Variants in ASAH2 observed in about 807,000 individuals in gnomAD.
ASAH2 encodes the protein neutral ceramidase.
In ASAH2, 58 loss-of-function variants were observed where a neutral mutation model predicts 82.9. That is an observed-to-expected ratio of 0.70 (90% CI 0.57 to 0.87). The LOEUF is 0.87. ASAH2 is among the 40% of genes least tolerant of loss of function. ASAH2 has a pLI of 0.00. For synonymous variants in ASAH2, 276 were observed against 289.7 expected, an observed-to-expected ratio of 0.95 and a Z score of 0.48; for missense variants, 779 against 834.0, an observed-to-expected ratio of 0.93 and a Z score of 0.81.
chr10:50,185,972 TTA>T lies in ASAH2; in HGVS notation c.*1341_*1342del, dbSNP rs1176015290. On this transcript the variant is annotated 3_prime_UTR_variant, in exon 21 of 21. Transcript: ENST00000682911. ...TGCAGTCTGGGAGGTTGTAGTTAAC[TTA>T]AAGAATTTTAAATGCAATTAGTACT... 6.7e-6 allele frequency: 1 copy of T among 149,538 alleles called. No homozygotes were observed. The highest frequency in any genetic ancestry group is 1.5e-5 in the Non-Finnish European group (1 of 67,494). 9.3% of individuals were successfully genotyped at this position (149,538 alleles called of 1,614,324 possible).
rs1359905223 is a variant in ASAH2 at position 50,203,649 on chromosome 10, T to A, written c.1656A>T (p.Ala552=). 25 of 1,612,378 alleles carry A rather than the reference T, an allele frequency of 1.6e-5. No homozygotes were observed. Among genetic ancestry groups the A allele is most frequent in the Non-Finnish European group, 1.9e-5 (22 of 1,178,790 alleles). The change falls in exon 15 of 21, where the codon GCA becomes GCT. Residue 552 remains alanine, a synonymous_variant. Transcript: ENST00000682911. ...TTMSGRRLRE[A]VQAEFASHGM... ...TTTATTTTTAACTTACTGCTTGAACTGCCTCTCGAAGTCTTCGTCCAGACA... is the reference window on the plus strand; with the variant it reads ...TTTATTTTTAACTTACTGCTTGAACAGCCTCTCGAAGTCTTCGTCCAGACA...
At chr10:50,229,305 T>A (rs1845970216) in intron 7 of ASAH2, among the ~76,000 whole-genome samples, 1 of 152,198 alleles carries the variant, frequency 6.6e-6, no homozygotes, top group African/African-American at 2.4e-5. Context: ...ATCCACAACA[T>A]GTTCTCCATG....
chr10:50,211,275 G>T, intron 10 of ASAH2, 141 bp from the exon 11 acceptor site: 1 of 705,140 alleles, frequency 1.4e-6, no homozygotes, highest in Non-Finnish European at 2.5e-6. Flanking sequence ...CTTAGAATTG[G>T]CCACCAACCA....
intron 14 of ASAH2, among the ~76,000 whole-genome samples, chr10:50,204,199 T>C (rs920178257): frequency 5.9e-5 from 9 of 151,926 alleles, no homozygotes; most frequent in African/African-American, 2.2e-4. Context: ...CATGTTATTA[T>C]TTAATTTATA....
Position 50,199,152 on chromosome 10 carries a change from G to A in ASAH2, c.1762-6C>T, listed in dbSNP as rs1206365578. The A allele has an allele frequency of 1.2e-5, 19 of 1,612,870 alleles. No individual in the cohort carries two copies. The African/African-American group carries it at 2.1e-4, about 18-fold the overall frequency. ...GCTGCCTCATATCGCTGAGCCTGCA[G>A]GAAAGGCAGGGAGAGTTGTATATGG... On this transcript the variant is annotated splice_region_variant and splice_polypyrimidine_tract_variant and intron_variant, in intron 16 of 20. Transcript: ENST00000682911.
intron 16 of ASAH2, among the ~76,000 whole-genome samples, chr10:50,202,564 G>T (rs1845179881): frequency 6.6e-6 from 1 of 151,990 alleles, no homozygotes; most frequent in Admixed American, 6.6e-5. Flanking sequence ...CCACAACCCA[G>T]GCTTGTTACC....
At chr10:50,225,990 G>A (rs1339090511) in intron 7 of ASAH2, among the ~76,000 whole-genome samples, 4 of 152,050 alleles carry the variant, frequency 2.6e-5, no homozygotes, top group Admixed American at 1.3e-4. Context: ...CTACTCAGGA[G>A]GCTGAGGCAA....
intron 12 of ASAH2, among the ~76,000 whole-genome samples, chr10:50,206,752 A>G (rs1234033264): frequency 6.6e-6 from 1 of 151,966 alleles, no homozygotes; most frequent in Non-Finnish European, 1.5e-5. Context: ...TACACATTTC[A>G]GTAACAATAC....
chr10:50,238,394 T>C (rs1422226029), intron 4 of ASAH2, among the ~76,000 whole-genome samples: 1 of 152,200 alleles, frequency 6.6e-6, no homozygotes, highest in African/African-American at 2.4e-5. Context: ...GGTTACCATG[T>C]CCACATAAGC....
chr10:50,197,089 A>C (rs1845008620), intron 17 of ASAH2, among the ~76,000 whole-genome samples, 170 bp from the exon 18 acceptor site: 1 of 148,386 alleles, frequency 6.7e-6, no homozygotes, highest in Admixed American at 6.7e-5. Context: ...GCTAAGCATG[A>C]GCCTAGAAAT....
At chr10:50,228,480 AG>A (rs1213488030) in intron 7 of ASAH2, among the ~76,000 whole-genome samples, 2 of 152,314 alleles carry the variant, frequency 1.3e-5, no homozygotes, top group South Asian at 2.1e-4. Flanking sequence ...ATGTAAAAAA[AG>A]TTTTTAAATA....
chr10:50,248,389 A>G, intron 2 of ASAH2, 95 bp downstream of exon 2: 4 of 1,458,712 alleles, frequency 2.7e-6, no homozygotes. Flanking sequence ...ACGTAGAACT[A>G]TCAGCAGACA....
At chr10:50,219,973 C>T (rs1845700195) in intron 7 of ASAH2, among the ~76,000 whole-genome samples, 1 of 152,128 alleles carries the variant, frequency 6.6e-6, no homozygotes, top group Admixed American at 6.6e-5. Flanking sequence ...GGCCACAAAT[C>T]CATGTTTTCA....
At chr10:50,233,151 G>T (rs909850437) in intron 7 of ASAH2, 33 bp downstream of exon 7, 43 of 1,454,544 alleles carry the variant, frequency 3.0e-5, no homozygotes, top group African/African-American at 2.8e-5. Flanking sequence ...AAAGCTACCC[G>T]ACAGAATTAT....
intron 7 of ASAH2, among the ~76,000 whole-genome samples, chr10:50,223,030 C>A (rs1274722233): frequency 2.0e-5 from 3 of 152,112 alleles, no homozygotes; most frequent in Admixed American, 6.6e-5. Context: ...CTACGTGAAT[C>A]AGCATGATGT....
intron 7 of ASAH2, among the ~76,000 whole-genome samples, chr10:50,229,726 G>T (rs1317682052): frequency 1.3e-5 from 2 of 152,108 alleles, no homozygotes; most frequent in African/African-American, 4.8e-5. Flanking sequence ...TTCCCCATTT[G>T]TGTTAAATGT....
chr10:50,220,674 G>A (rs1052715905), intron 7 of ASAH2, among the ~76,000 whole-genome samples: 12 of 152,074 alleles, frequency 7.9e-5, no homozygotes, highest in African/African-American at 2.2e-4. Context: ...ATGGGTACTA[G>A]GCTTAATACC....
intron 7 of ASAH2, among the ~76,000 whole-genome samples, chr10:50,230,516 T>C (rs1845995380): frequency 6.6e-6 from 1 of 152,066 alleles, no homozygotes; most frequent in African/African-American, 2.4e-5. Flanking sequence ...GCAATTACAC[T>C]ATGCAACAAG....
chr10:50,225,584 G>C (rs1845859511), intron 7 of ASAH2, among the ~76,000 whole-genome samples: 2 of 152,054 alleles, frequency 1.3e-5, no homozygotes, highest in Admixed American at 1.3e-4. Flanking sequence ...CTGTTACTTG[G>C]CAACAATTGT....
Sources: gnomAD v4.1 joint callset for allele counts (sites outside exome capture counted in the v4.1 genomes callset) on GRCh38, gnomAD v4.1.1 for gene constraint, MANE v1.5 for transcripts, NCBI Gene and HGNC (gene_info 2026-07-23, HGNC 2026-07-21) for gene names.